The following OPN5 variants were observed in gnomAD, a reference collection of about 807,000 sequenced individuals.
OPN5 encodes opsin 5.
A neutral mutation model predicts 41.7 loss-of-function variants in OPN5; 18 were observed. The ratio of observed to expected loss-of-function variants is 0.43; its 90% CI spans 0.30 to 0.64. The LOEUF (loss-of-function observed/expected upper bound fraction) is 0.64, where lower values mean the gene tolerates loss of function less well. Ranked by LOEUF, OPN5 falls within the 30% of genes least tolerant of loss-of-function variation. The pLI is 0.13. For synonymous variants in OPN5, 178 were observed against 164.3 expected, an observed-to-expected ratio of 1.08 and a Z score of -0.64; for missense variants, 318 against 434.5, an observed-to-expected ratio of 0.73 and a Z score of 2.38.
At chr6:47,782,036 C>T (rs748224089), upstream of OPN5, 14 of 1,604,772 alleles carry the variant, frequency 8.7e-6, no homozygotes, top group Non-Finnish European at 1.2e-5. Flanking sequence ...TACTGGTTTG[C>T]TTTTCAGATC....
chr6:47,783,905 A>G (rs1773137157), intron 1 of OPN5, among the ~76,000 whole-genome samples: 1 of 152,198 alleles, frequency 6.6e-6, no homozygotes, highest in Non-Finnish European at 1.5e-5. Context: ...TAACCTGACA[A>G]ATCTCTCCAG....
chr6:47,801,492 C>G (rs1316647449), intron 4 of OPN5, among the ~76,000 whole-genome samples: 1 of 152,128 alleles, frequency 6.6e-6, no homozygotes, highest in East Asian at 1.9e-4. Context: ...GGATCAGATT[C>G]AGAAGACCCC....
chr6:47,815,802 C>A (rs1422306381), intron 6 of OPN5, among the ~76,000 whole-genome samples: 1 of 152,068 alleles, frequency 6.6e-6, no homozygotes, highest in Non-Finnish European at 1.5e-5. Flanking sequence ...ACCACTGTGA[C>A]CCTCTATGAT....
At chr6:47,795,186 T>C (rs756610369) in intron 3 of OPN5, 43 bp from the exon 4 acceptor site, 2 of 1,420,630 alleles carry the variant, frequency 1.4e-6, no homozygotes, top group South Asian at 1.3e-5. Flanking sequence ...TATCTGGGTG[T>C]AGGGCAGATT....
At chr6:47,823,860 A>G in intron 6 of OPN5, 123 bp from the exon 7 acceptor site, 3 of 750,666 alleles carry the variant, frequency 4.0e-6, no homozygotes, top group Non-Finnish European at 7.1e-6. Flanking sequence ...GACAATGTCC[A>G]TCGCAATCCT....
intron 2 of OPN5, among the ~76,000 whole-genome samples, chr6:47,788,885 T>TG (rs1323638149): frequency 6.6e-6 from 1 of 151,178 alleles, no homozygotes; most frequent in Non-Finnish European, 1.5e-5. Flanking sequence ...GGGAGGTTTG[T>TG]GGGGAGGGAT....
intron 6 of OPN5, among the ~76,000 whole-genome samples, chr6:47,820,133 TAGAGAGAGAGAGAG>T (rs5876036): frequency 2.7e-5 from 4 of 149,494 alleles, no homozygotes; most frequent in Middle Eastern, 3.4e-3. Flanking sequence ...TCCTTTTGAA[TAGAGAGAGAGAGAG>T]AGAGAGAGAG....
In OPN5 at chr6:47,795,877, G is replaced by A. The variant is rs117055275; in HGVS notation, c.756+314G>A. On this transcript the variant is annotated intron_variant, in intron 4 of 6. Coordinates refer to ENST00000371211, the Ensembl canonical transcript of OPN5. ...GGGCTTATCTGCTCTGCTGAATAGG[G>A]TACTATTGATTCATATTCATTATTT... 2.8e-4 allele frequency among the ~76,000 whole-genome samples: 43 copies of A among 151,914 alleles called. No homozygotes were observed. The East Asian group carries it at 7.7e-3, about 27-fold the overall frequency.
exon 7 of OPN5, chr6:47,823,999 T>G (rs1206172079): frequency 1.3e-6 from 2 of 1,549,742 alleles, no homozygotes; most frequent in Non-Finnish European, 1.7e-6. Flanking sequence ...TAACAAATGT[T>G]CTGGTTGTGA....
intron 4 of OPN5, among the ~76,000 whole-genome samples, chr6:47,803,301 A>G (rs1773845308): frequency 6.6e-6 from 1 of 152,174 alleles, no homozygotes; most frequent in South Asian, 2.1e-4. Context: ...TGGTAGAATC[A>G]CTCAATGACA....
intron 4 of OPN5, among the ~76,000 whole-genome samples, chr6:47,805,913 A>AT: frequency 6.6e-6 from 1 of 152,258 alleles, no homozygotes; most frequent in Non-Finnish European, 1.5e-5. Flanking sequence ...CTCAGAGATT[A>AT]TAGGAAAGTC....
intron 6 of OPN5, among the ~76,000 whole-genome samples, chr6:47,815,308 C>T (rs949488124): frequency 1.3e-5 from 2 of 152,090 alleles, no homozygotes. Flanking sequence ...CCACCACTGC[C>T]TTTAATGACC....
chr6:47,806,635 A>C (rs1385216666), intron 4 of OPN5, among the ~76,000 whole-genome samples: 2 of 152,204 alleles, frequency 1.3e-5, no homozygotes. Flanking sequence ...TTTCCTGCTC[A>C]AAAACCTACT....
chr6:47,788,568 A>G (rs971253362), intron 2 of OPN5, among the ~76,000 whole-genome samples: 19 of 152,212 alleles, frequency 1.2e-4, no homozygotes, highest in African/African-American at 4.6e-4. Context: ...ATTTTTTTCA[A>G]CTTTGGAACA....
chr6:47,788,893 G>A (rs542946607), intron 2 of OPN5, among the ~76,000 whole-genome samples: 3 of 151,896 alleles, frequency 2.0e-5, no homozygotes, highest in South Asian at 2.1e-4. Context: ...TGTGGGGAGG[G>A]ATGGAACCCT....
downstream of OPN5, chr6:47,826,023 T>C (rs2114026222): frequency 6.6e-6 from 1 of 152,312 alleles, no homozygotes; most frequent in South Asian, 2.1e-4. Context: ...TAGGTATATA[T>C]AATACATATA....
At chr6:47,805,617 C>T (rs1189050052) in intron 4 of OPN5, among the ~76,000 whole-genome samples, 3 of 152,036 alleles carry the variant, frequency 2.0e-5, no homozygotes, top group African/African-American at 4.8e-5. Flanking sequence ...TCAAGTAGAC[C>T]GAAGGCTGTG....
chr6:47,801,896 G>A (rs1014269500), intron 4 of OPN5, among the ~76,000 whole-genome samples: 4 of 151,960 alleles, frequency 2.6e-5, no homozygotes, highest in Non-Finnish European at 5.9e-5. Context: ...TTGAAGGAAG[G>A]AAGGAAGGAT....
At chr6:47,795,390 G>A in exon 4 of OPN5, 1 of 1,614,136 alleles carries the variant, frequency 6.2e-7, no homozygotes, top group South Asian at 1.1e-5. Context: ...GGCCTCGGTA[G>A]GGGGCCAGGT....
Sources: gnomAD v4.1 joint callset for allele counts (sites outside exome capture counted in the v4.1 genomes callset) on GRCh38, gnomAD v4.1.1 for gene constraint, MANE v1.5 for transcripts, NCBI Gene and HGNC (gene_info 2026-07-23, HGNC 2026-07-21) for gene names.